Variants in STXBP5L observed in about 807,000 individuals in gnomAD.
The protein encoded by STXBP5L is syntaxin binding protein 5L.
STXBP5L carries 65 observed loss-of-function variants against 144.5 expected under a neutral mutation model. That is an observed-to-expected ratio of 0.45 (90% CI 0.37 to 0.55). STXBP5L has a LOEUF of 0.55. Ranked by LOEUF, STXBP5L falls within the 20% of genes least tolerant of loss-of-function variation. The pLI, the probability that STXBP5L is intolerant of heterozygous loss-of-function variation, is 0.00. For missense variants in STXBP5L, 1,298 were observed against 1,405.5 expected (o/e 0.92, Z 1.22); for synonymous variants, 505 against 469.6 (o/e 1.08, Z -0.97).
At chr3:121,006,726 G>C (rs1376295262) in intron 3 of STXBP5L, among the ~76,000 whole-genome samples, 1 of 152,170 alleles carries the variant, frequency 6.6e-6, no homozygotes, top group East Asian at 1.9e-4. Flanking sequence ...TCCTTCAGGA[G>C]CTCTTTTAGG....
intron 22 of STXBP5L, among the ~76,000 whole-genome samples, chr3:121,392,770 C>CGCAT (rs1553786047): frequency 2.1e-4 from 24 of 112,386 alleles, no homozygotes; most frequent in Non-Finnish European, 7.1e-5. Context: ...TATTTCATGG[C>CGCAT]ATATATATAT....
chr3:121,354,947 A>G (rs1177116967), intron 20 of STXBP5L, among the ~76,000 whole-genome samples: 2 of 152,140 alleles, frequency 1.3e-5, no homozygotes, highest in African/African-American at 2.4e-5. Context: ...TCCTTCAGTT[A>G]TGAAGCTTAG....
intron 9 of STXBP5L, among the ~76,000 whole-genome samples, chr3:121,187,053 C>T (rs1265708818): frequency 6.6e-6 from 1 of 152,078 alleles, no homozygotes; most frequent in Non-Finnish European, 1.5e-5. Context: ...ACCCAGCCAT[C>T]CCATTACTGG....
In STXBP5L at chr3:121,422,748, A is replaced by G. The variant is rs570086506; in HGVS notation, c.*3651A>G. Reference sequence around the variant, plus strand: ...AGACAATTTTCTCAGATCTTTTGAAAGTGATTCTCAAATAAATAAATCAAA... The same window carrying G: ...AGACAATTTTCTCAGATCTTTTGAAGGTGATTCTCAAATAAATAAATCAAA... On this transcript the variant is annotated 3_prime_UTR_variant, in exon 27 of 27. Coordinates refer to ENST00000471454, the MANE Select transcript of STXBP5L (RefSeq NM_001308330.2). The G allele has an allele frequency of 6.6e-6, 1 of 152,284 alleles. No homozygotes were observed. Among genetic ancestry groups the G allele is most frequent in the South Asian group, 2.1e-4 (1 of 4,816 alleles). The allele number at this position is 152,284 out of a possible 1,614,324, so 9.4% of individuals were successfully genotyped here.
intron 9 of STXBP5L, among the ~76,000 whole-genome samples, chr3:121,160,394 GA>G (rs2046278163): frequency 6.6e-6 from 1 of 150,780 alleles, no homozygotes. Context: ...AGTGTTCTGA[GA>G]AAAAAAATTA....
intron 3 of STXBP5L, among the ~76,000 whole-genome samples, chr3:121,041,236 T>C (rs1576749246): frequency 6.6e-6 from 1 of 152,096 alleles, no homozygotes; most frequent in Admixed American, 6.6e-5. Context: ...GATATATCAG[T>C]CTATTTCTTT....
intron 3 of STXBP5L, among the ~76,000 whole-genome samples, chr3:120,988,734 G>C: frequency 6.6e-6 from 1 of 152,020 alleles, no homozygotes; most frequent in East Asian, 1.9e-4. Context: ...TTATGTAGTG[G>C]TTTGCCTAGG....
chr3:120,940,321 TG>T (rs1710502017), intron 2 of STXBP5L, among the ~76,000 whole-genome samples: 1 of 151,252 alleles, frequency 6.6e-6, no homozygotes, highest in Non-Finnish European at 1.5e-5. Flanking sequence ...AGAATTTAAG[TG>T]GAAGTACTAG....
At chr3:121,245,454 G>A (rs2049818482) in intron 14 of STXBP5L, among the ~76,000 whole-genome samples, 1 of 151,574 alleles carries the variant, frequency 6.6e-6, no homozygotes, top group African/African-American at 2.4e-5. Context: ...AAATTATTCT[G>A]TACCAATAAT....
At position 120,986,784 on chromosome 3, in the gene STXBP5L, G is replaced by GAAAATTACAATATTTAAATAAA. The variant is rs1942326868; in HGVS notation, c.287+31759_287+31760insTTTAAATAAAAAAATTACAATA. On this transcript the variant is annotated intron_variant, in intron 3 of 26. Transcript: ENST00000471454. The stretch of plus-strand genomic sequence containing the variant: ...ACAAAAAAATAGAAATTTGAGAGCT[G>GAAAATTACAATATTTAAATAAA]AAAATTACAATACTTTAAATAAAAA... 2.3e-4 allele frequency among the ~76,000 whole-genome samples: 35 copies of GAAAATTACAATATTTAAATAAA among 151,932 alleles called. No individual in the cohort carries two copies. In the South Asian group the frequency reaches 7.0e-3, roughly 31 times the overall value.
At chr3:121,217,578 T>G (rs1389473420) in intron 10 of STXBP5L, among the ~76,000 whole-genome samples, 1 of 152,254 alleles carries the variant, frequency 6.6e-6, no homozygotes, top group East Asian at 1.9e-4. Context: ...AATCACTTCC[T>G]TCTGTGTTGA....
At chr3:121,184,291 C>A (rs2047279633) in intron 9 of STXBP5L, among the ~76,000 whole-genome samples, 1 of 138,660 alleles carries the variant, frequency 7.2e-6, no homozygotes, top group African/African-American at 2.7e-5. Flanking sequence ...ATGTTCTAAC[C>A]CAATGTAAGG....
chr3:121,182,618 A>G (rs764304387), intron 9 of STXBP5L, among the ~76,000 whole-genome samples: 1 of 152,204 alleles, frequency 6.6e-6, no homozygotes, highest in Non-Finnish European at 1.5e-5. Flanking sequence ...AACTAAATCC[A>G]AACCCAGCAG....
chr3:121,369,348 T>C (rs959697308), intron 20 of STXBP5L, among the ~76,000 whole-genome samples: 6 of 151,990 alleles, frequency 3.9e-5, no homozygotes, highest in African/African-American at 1.4e-4. Context: ...TGGCTTTTTT[T>C]TTTTTAATGG....
intron 19 of STXBP5L, among the ~76,000 whole-genome samples, chr3:121,308,082 G>A (rs1043275769): frequency 6.6e-6 from 1 of 152,146 alleles, no homozygotes; most frequent in Non-Finnish European, 1.5e-5. Flanking sequence ...ATCCAGAGGG[G>A]AACAACACAC....
chr3:121,098,454 A>T (rs1032975488), intron 5 of STXBP5L, among the ~76,000 whole-genome samples: 3 of 152,162 alleles, frequency 2.0e-5, no homozygotes, highest in Non-Finnish European at 2.9e-5. Flanking sequence ...GTACCATGCC[A>T]TGGTGGTGCT....
chr3:120,958,405 TTA>T (rs1389746304), intron 3 of STXBP5L, among the ~76,000 whole-genome samples: 2 of 152,238 alleles, frequency 1.3e-5, no homozygotes, highest in African/African-American at 4.8e-5. Flanking sequence ...CTAACTCATT[TTA>T]TCAGGCCAGC....
intron 5 of STXBP5L, among the ~76,000 whole-genome samples, chr3:121,068,641 G>T (rs540515511): frequency 6.6e-6 from 1 of 151,722 alleles, no homozygotes; most frequent in Non-Finnish European, 1.5e-5. Context: ...TTGCTCTTTG[G>T]ATTATTTTTT....
At chr3:121,335,587 T>C (rs543490829) in intron 20 of STXBP5L, among the ~76,000 whole-genome samples, 2 of 152,106 alleles carry the variant, frequency 1.3e-5, no homozygotes, top group African/African-American at 2.4e-5. Flanking sequence ...AGCATGGGAC[T>C]GGTACAAAAA....
Sources: gnomAD v4.1 joint callset for allele counts (sites outside exome capture counted in the v4.1 genomes callset) on GRCh38, gnomAD v4.1.1 for gene constraint, MANE v1.5 for transcripts, NCBI Gene and HGNC (gene_info 2026-07-23, HGNC 2026-07-21) for gene names.